NBAS: variants seen among roughly 807,000 people sequenced by gnomAD.
NBAS encodes the protein NBAS subunit of NRZ tethering complex, also known as NAG/BC035112 fusion.
Under a neutral mutation model 302.5 loss-of-function variants are expected in NBAS, and 219 were observed. That is an observed-to-expected ratio of 0.72 (90% confidence interval 0.65 to 0.81). NBAS has a LOEUF of 0.81. Ranked by LOEUF, NBAS falls within the 30% of genes least tolerant of loss-of-function variation. The pLI is 0.00. For synonymous variants in NBAS, 1,118 were observed against 1,021.6 expected (o/e 1.09, Z -1.80); for missense variants, 2,932 against 2,841.6 (o/e 1.03, Z -0.72).
At chr2:15,177,440 C>A (rs72776607) in intron 51 of NBAS, among the ~76,000 whole-genome samples, 12,531 of 152,214 alleles carry the variant, frequency 0.082, 856 homozygotes, top group East Asian at 0.32. Flanking sequence ...GCAGTTCTGA[C>A]AGATGCATTT....
the NBAS span, among the ~76,000 whole-genome samples, chr2:15,035,611 C>T: frequency 2.3e-4 from 35 of 152,146 alleles, no homozygotes; most frequent in African/African-American, 8.4e-4. Flanking sequence ...AATGAGAGAC[C>T]GGATAAAGAA....
chr2:15,400,206 A>G (rs1444418611), intron 26 of NBAS, among the ~76,000 whole-genome samples: 1 of 152,126 alleles, frequency 6.6e-6, no homozygotes, highest in Non-Finnish European at 1.5e-5. Flanking sequence ...AGGATGTTTC[A>G]AAAGGAAGAG....
intron 21 of NBAS, among the ~76,000 whole-genome samples, chr2:15,435,640 T>C (rs887274926): frequency 3.3e-5 from 5 of 152,176 alleles, no homozygotes; most frequent in Non-Finnish European, 7.3e-5. Context: ...TCAGCCACTA[T>C]GGCATTTTAC....
At chr2:14,976,237 T>C in the NBAS span, among the ~76,000 whole-genome samples, 484 of 152,296 alleles carry the variant, frequency 3.2e-3, 2 homozygotes, top group Middle Eastern at 6.8e-3. Context: ...AAGTAAAGAA[T>C]AGTAGTCTGG....
rs148217367 is a variant in NBAS at position 15,383,272 on chromosome 2, G to A, written c.3303C>T (p.Asp1101=). The change falls in exon 29 of 52, where the codon GAC becomes GAT. Residue 1101 remains aspartate, a synonymous_variant. Transcript: ENST00000281513. ...ATACATTCTGCTGCATAGTTAACAT[G>A]TCTTGCAGCAACGTTCTCCAATGAG... The part of the protein sequence containing the change: ...SESHWRTLLQ[D]MLTMQQNVYT... The A allele has an allele frequency of 4.3e-6, 7 of 1,613,914 alleles. No individual in the cohort carries two copies. Among genetic ancestry groups the A allele is most frequent in the Non-Finnish European group, 5.9e-6 (7 of 1,179,992 alleles).
the NBAS span, among the ~76,000 whole-genome samples, chr2:14,849,725 A>T: frequency 7.0e-6 from 1 of 141,914 alleles, no homozygotes; most frequent in Non-Finnish European, 1.5e-5. Flanking sequence ...GACTAACAGC[A>T]GATCTCTTGT....
the NBAS span, among the ~76,000 whole-genome samples, chr2:14,840,529 G>A: frequency 6.6e-6 from 1 of 152,026 alleles, no homozygotes; most frequent in Admixed American, 6.6e-5. Context: ...AAAGCAGCGA[G>A]AGAAAAGAAG....
chr2:14,947,281 C>T, the NBAS span, among the ~76,000 whole-genome samples: 1 of 151,348 alleles, frequency 6.6e-6, no homozygotes. Context: ...CTACACTAGC[C>T]AAGAAAAAAG....
At chr2:15,415,760 G>A (rs1381090123) in intron 24 of NBAS, 41 bp from the exon 25 acceptor site, 2 of 1,607,196 alleles carry the variant, frequency 1.2e-6, no homozygotes, top group East Asian at 4.5e-5. Flanking sequence ...CAAGAATGAA[G>A]TTAAACTAAA....
At chr2:15,533,673 GGTGTGCGTGTGTGTGTGTGT>G (rs1663335276) in intron 9 of NBAS, among the ~76,000 whole-genome samples, 1 of 130,678 alleles carries the variant, frequency 7.7e-6, no homozygotes, top group South Asian at 2.7e-4. Flanking sequence ...GACTTCGGGG[GGTGTGCGTGTGTGTGTGTGT>G]GTGTGTGTGT....
chr2:15,141,038 G>A, the NBAS span, among the ~76,000 whole-genome samples: 32 of 152,178 alleles, frequency 2.1e-4, no homozygotes, highest in Non-Finnish European at 3.5e-4. Context: ...TGTGTGATCT[G>A]AAATGGTCTT....
chr2:14,975,218 T>G, the NBAS span, among the ~76,000 whole-genome samples: 42 of 152,326 alleles, frequency 2.8e-4, no homozygotes, highest in Non-Finnish European at 4.7e-4. Context: ...GGTAACTTGC[T>G]GAGCCTAACT....
intron 21 of NBAS, among the ~76,000 whole-genome samples, chr2:15,441,261 G>T (rs966864811): frequency 6.6e-6 from 1 of 152,084 alleles, no homozygotes; most frequent in Admixed American, 6.6e-5. Flanking sequence ...AGAGAGAAAG[G>T]TCGGGTTACC....
At chr2:14,840,219 T>C in the NBAS span, among the ~76,000 whole-genome samples, 2 of 151,734 alleles carry the variant, frequency 1.3e-5, no homozygotes, top group Non-Finnish European at 2.9e-5. Context: ...AGATACACTA[T>C]TTACAAACAC....
the NBAS span, among the ~76,000 whole-genome samples, chr2:15,138,367 G>A: frequency 6.6e-6 from 1 of 152,094 alleles, no homozygotes; most frequent in African/African-American, 2.4e-5. Context: ...GGTGCAGGAT[G>A]GGTTATGATG....
chr2:15,558,382 G>C (rs1664742160), intron 2 of NBAS, among the ~76,000 whole-genome samples, 198 bp downstream of exon 2: 1 of 152,098 alleles, frequency 6.6e-6, no homozygotes, highest in South Asian at 2.1e-4. Context: ...TTAGCTCTAA[G>C]CTGCATTAGA....
chr2:15,388,219 T>C (rs1675407387), intron 28 of NBAS, among the ~76,000 whole-genome samples: 1 of 152,192 alleles, frequency 6.6e-6, no homozygotes, highest in South Asian at 2.1e-4. Context: ...ATATATACTT[T>C]TGCATATCTC....
chr2:15,044,475 G>T, the NBAS span, among the ~76,000 whole-genome samples: 1 of 152,206 alleles, frequency 6.6e-6, no homozygotes, highest in African/African-American at 2.4e-5. Context: ...AACACAATCT[G>T]CAGGAAAGCA....
the NBAS span, among the ~76,000 whole-genome samples, chr2:15,054,582 G>A: frequency 3.9e-5 from 6 of 152,178 alleles, no homozygotes; most frequent in African/African-American, 1.4e-4. Context: ...TAACGTTATG[G>A]TTTATGTGCA....
Sources: gnomAD v4.1 joint callset for allele counts (sites outside exome capture counted in the v4.1 genomes callset) on GRCh38, gnomAD v4.1.1 for gene constraint, MANE v1.5 for transcripts, NCBI Gene and HGNC (gene_info 2026-07-23, HGNC 2026-07-21) for gene names.